CORO2B: variants seen among roughly 807,000 people sequenced by gnomAD.
CORO2B encodes the protein coronin 2B.
A neutral mutation model predicts 58.8 loss-of-function variants in CORO2B; 26 were observed. That is an observed-to-expected ratio of 0.44 (90% confidence interval 0.32 to 0.61). The LOEUF (loss-of-function observed/expected upper bound fraction) is 0.61. Among genes scored for constraint, CORO2B ranks in the 20% least tolerant of loss-of-function variants. CORO2B has a pLI of 0.04. For missense variants in CORO2B, 460 were observed against 645.1 expected, an observed-to-expected ratio of 0.71 and a Z score of 3.11; for synonymous variants, 242 against 253.8, an observed-to-expected ratio of 0.95 and a Z score of 0.44.
intron 1 of CORO2B, among the ~76,000 whole-genome samples, chr15:68,615,418 G>C (rs1410842331): frequency 6.6e-6 from 1 of 152,202 alleles, no homozygotes; most frequent in Non-Finnish European, 1.5e-5. Flanking sequence ...GGATGTTTGT[G>C]AGATGCAAAA....
At chr15:68,718,074 C>T (rs932979945) in intron 8 of CORO2B, among the ~76,000 whole-genome samples, 5 of 152,182 alleles carry the variant, frequency 3.3e-5, no homozygotes, top group African/African-American at 9.7e-5. Context: ...GTGCTCCTAG[C>T]ACCACCACAC....
upstream of CORO2B, among the ~76,000 whole-genome samples, chr15:68,575,886 G>A (rs1018774100): frequency 6.6e-6 from 1 of 151,394 alleles, no homozygotes; most frequent in African/African-American, 2.4e-5. Context: ...TGGGTGTGGT[G>A]GCTCACACCT....
chr15:68,561,906 C>T, the CORO2B span, among the ~76,000 whole-genome samples: 105,888 of 151,922 alleles, frequency 0.7, 37,597 homozygotes, highest in East Asian at 0.87. Flanking sequence ...TGAGCATGAC[C>T]GTGAGTGTGT....
intron 1 of CORO2B, among the ~76,000 whole-genome samples, chr15:68,601,021 G>T (rs903328135): frequency 6.6e-6 from 1 of 152,210 alleles, no homozygotes; most frequent in Non-Finnish European, 1.5e-5. Context: ...ACACCTCCTA[G>T]CCAGCCTTTA....
At chr15:68,562,542 T>C in the CORO2B span, among the ~76,000 whole-genome samples, 1 of 152,154 alleles carries the variant, frequency 6.6e-6, no homozygotes, top group Non-Finnish European at 1.5e-5. Context: ...AAACAAATAA[T>C]TTTTAGTACA....
At chr15:68,717,557 G>C (rs1893061344) in intron 8 of CORO2B, among the ~76,000 whole-genome samples, 1 of 152,144 alleles carries the variant, frequency 6.6e-6, no homozygotes, top group Non-Finnish European at 1.5e-5. Flanking sequence ...GGCTCAGAAT[G>C]ACTCACTTCA....
the CORO2B span, among the ~76,000 whole-genome samples, chr15:68,524,439 C>T: frequency 8.5e-5 from 13 of 152,210 alleles, no homozygotes; most frequent in African/African-American, 2.2e-4. Flanking sequence ...TTCTTTCATG[C>T]ACTTTTTGCT....
intron 1 of CORO2B, among the ~76,000 whole-genome samples, chr15:68,609,459 A>T (rs1052301471): frequency 8.5e-5 from 13 of 152,164 alleles, no homozygotes; most frequent in African/African-American, 2.9e-4. Context: ...GGTCCACATC[A>T]AGCATCTAGG....
chr15:68,651,933 C>T (rs1231443319), intron 2 of CORO2B, among the ~76,000 whole-genome samples: 1 of 152,226 alleles, frequency 6.6e-6, no homozygotes, highest in Admixed American at 6.5e-5. Context: ...TCTACAACAA[C>T]TACAAACAAC....
At chr15:68,593,213 A>G (rs1275201145) in intron 1 of CORO2B, among the ~76,000 whole-genome samples, 1 of 152,232 alleles carries the variant, frequency 6.6e-6, no homozygotes. Flanking sequence ...TTACATTGGC[A>G]ATTAAATTTC....
At chr15:68,618,863 A>G (rs971959053) in intron 1 of CORO2B, among the ~76,000 whole-genome samples, 2 of 152,240 alleles carry the variant, frequency 1.3e-5, no homozygotes, top group African/African-American at 4.8e-5. Flanking sequence ...ATGTTCGAAT[A>G]CAAGCCTGAA....
At chr15:68,552,539 A>G in the CORO2B span, among the ~76,000 whole-genome samples, 1 of 152,044 alleles carries the variant, frequency 6.6e-6, no homozygotes, top group African/African-American at 2.4e-5. Context: ...TGACAACCCC[A>G]TCAGAGGGAG....
At chr15:68,576,579 G>A (rs1230978618), upstream of CORO2B, among the ~76,000 whole-genome samples, 2 of 152,182 alleles carry the variant, frequency 1.3e-5, no homozygotes, top group African/African-American at 4.8e-5. Flanking sequence ...ACAGCCATGG[G>A]TGCAGGGTGA....
chr15:68,553,581 AG>A, the CORO2B span, among the ~76,000 whole-genome samples: 4 of 152,224 alleles, frequency 2.6e-5, no homozygotes, highest in Non-Finnish European at 5.9e-5. Flanking sequence ...CCAGAACTGT[AG>A]GAGAGTAAGT....
At chr15:68,611,060 A>C (rs1441133639) in intron 1 of CORO2B, among the ~76,000 whole-genome samples, 1 of 152,200 alleles carries the variant, frequency 6.6e-6, no homozygotes, top group Non-Finnish European at 1.5e-5. Flanking sequence ...ATCCAACCTC[A>C]GTTCATCAAC....
chr15:68,559,186 A>C, the CORO2B span, among the ~76,000 whole-genome samples: 1 of 152,048 alleles, frequency 6.6e-6, no homozygotes, highest in Admixed American at 6.5e-5. This position sits in a 1 kb window ranked among gnomAD's most constrained non-coding sequence, Gnocchi z 4.3. Flanking sequence ...GTGCTACTTC[A>C]AAGCGGCAGC....
chr15:68,678,913 C>T (rs1351194725), intron 2 of CORO2B, among the ~76,000 whole-genome samples: 3 of 152,198 alleles, frequency 2.0e-5, no homozygotes, highest in Non-Finnish European at 4.4e-5. Context: ...TGGCTAGAGG[C>T]CAGGGGACCG....
intron 2 of CORO2B, among the ~76,000 whole-genome samples, chr15:68,678,020 G>T (rs570162036): frequency 9.8e-5 from 15 of 152,310 alleles, no homozygotes; most frequent in Non-Finnish European, 1.6e-4. Context: ...GGCCCAGGAG[G>T]CTGCCTTGCC....
intron 1 of CORO2B, among the ~76,000 whole-genome samples, chr15:68,634,795 A>G (rs755586775): frequency 6.6e-6 from 1 of 152,182 alleles, no homozygotes; most frequent in Non-Finnish European, 1.5e-5. Context: ...TGAATCATCT[A>G]TGTGAACCAC....
Sources: gnomAD v4.1 joint callset for allele counts (sites outside exome capture counted in the v4.1 genomes callset) on GRCh38, gnomAD v4.1.1 for gene constraint, Gnocchi (gnomAD v3.1) non-coding constraint, MANE v1.5 for transcripts, NCBI Gene and HGNC (gene_info 2026-07-23, HGNC 2026-07-21) for gene names.